CDC14B: variants seen among roughly 807,000 people sequenced by gnomAD.
The protein encoded by CDC14B is dual specificity protein phosphatase CDC14B.
Under a neutral mutation model 64.2 loss-of-function variants are expected in CDC14B, and 22 were observed. The observed-to-expected ratio is 0.34, with a 90% CI of 0.24 to 0.49. CDC14B has a LOEUF of 0.49. Among genes scored for constraint, CDC14B ranks in the 20% least tolerant of loss-of-function variants. The probability of loss-of-function intolerance (pLI) is 0.99; values close to 1 mark genes in which losing one functional copy is unlikely to be tolerated. For missense variants in CDC14B, 498 were observed against 629.9 expected, an observed-to-expected ratio of 0.79 and a Z score of 2.24; for synonymous variants, 191 against 215.8, an observed-to-expected ratio of 0.89 and a Z score of 1.01.
chr9:96,600,042 T>C (rs1461356702), intron 1 of CDC14B, among the ~76,000 whole-genome samples: 1 of 152,008 alleles, frequency 6.6e-6, no homozygotes, highest in Non-Finnish European at 1.5e-5. Flanking sequence ...TATTTCTAAA[T>C]GTAACTTTTC....
chr9:96,606,408 G>A (rs1299967496), intron 1 of CDC14B, among the ~76,000 whole-genome samples: 3 of 151,132 alleles, frequency 2.0e-5, no homozygotes, highest in Middle Eastern at 3.4e-3. Context: ...TTCCAGCCAG[G>A]TGCAGTGCTC....
At chr9:96,596,337 G>T (rs1846071856) in intron 1 of CDC14B, among the ~76,000 whole-genome samples, 1 of 146,370 alleles carries the variant, frequency 6.8e-6, no homozygotes. Context: ...ACACCAGCCT[G>T]CTGGGAGACA....
At chr9:96,604,590 G>A (rs934398913) in intron 1 of CDC14B, among the ~76,000 whole-genome samples, 1 of 151,146 alleles carries the variant, frequency 6.6e-6, no homozygotes, top group Non-Finnish European at 1.5e-5. Flanking sequence ...ATGTTGATCA[G>A]GCTGGTCTCA....
chr9:96,528,620 T>C (rs906630721), intron 9 of CDC14B, among the ~76,000 whole-genome samples: 6 of 152,204 alleles, frequency 3.9e-5, no homozygotes, highest in African/African-American at 1.4e-4. Context: ...TCTGAGCATA[T>C]AACCAGAGAT....
At chr9:96,560,859 C>T (rs1163862114) in intron 4 of CDC14B, among the ~76,000 whole-genome samples, 1 of 151,454 alleles carries the variant, frequency 6.6e-6, no homozygotes, top group Admixed American at 6.6e-5. Flanking sequence ...GCTTATGAAA[C>T]CAAATTTTAA....
At position 96,515,671 on chromosome 9, in the gene CDC14B, C is replaced by A; in HGVS notation, c.1344-5882G>T. The A allele has an allele frequency of 6.3e-7, 1 of 1,586,732 alleles. No homozygotes were observed. Among genetic ancestry groups the A allele is most frequent in the East Asian group, 2.3e-5 (1 of 43,864 alleles). Reference sequence around the variant, plus strand: ...TACAGCAGCTATCTGTCAGGGGGTCCTGATGGCTACTGTGTTCTGAAACCA... The same window carrying A: ...TACAGCAGCTATCTGTCAGGGGGTCATGATGGCTACTGTGTTCTGAAACCA... On this transcript the variant is annotated intron_variant, in intron 12 of 13. Transcript: ENST00000375241. The surrounding 1 kb of genome is among the most constrained non-coding windows in gnomAD (Gnocchi z 4.3).
intron 1 of CDC14B, among the ~76,000 whole-genome samples, chr9:96,610,389 G>A (rs541855510): frequency 8.5e-5 from 13 of 152,096 alleles, no homozygotes; most frequent in African/African-American, 2.9e-4. Flanking sequence ...TAGTAGTGAT[G>A]GGGTTTCAGC....
chr9:96,609,121 C>T (rs376357929), intron 1 of CDC14B, among the ~76,000 whole-genome samples: 141 of 152,234 alleles, frequency 9.3e-4, no homozygotes, highest in Non-Finnish European at 1.7e-3. Context: ...CATGCCAACA[C>T]GCCTGGCTAA....
chr9:96,505,647 T>C (rs1834023653), intron 13 of CDC14B, among the ~76,000 whole-genome samples: 1 of 152,124 alleles, frequency 6.6e-6, no homozygotes, highest in African/African-American at 2.4e-5. Flanking sequence ...AAGAGAAAGG[T>C]TAGCATGGAT....
downstream of CDC14B, among the ~76,000 whole-genome samples, chr9:96,495,637 G>A (rs944106541): frequency 6.6e-6 from 1 of 152,220 alleles, no homozygotes; most frequent in Non-Finnish European, 1.5e-5. Flanking sequence ...GGAGCCAGCG[G>A]TGATGCTGGG....
intron 12 of CDC14B, among the ~76,000 whole-genome samples, chr9:96,517,815 C>T (rs1195799702): frequency 6.6e-6 from 1 of 151,316 alleles, no homozygotes; most frequent in Non-Finnish European, 1.5e-5. Flanking sequence ...ACTGCCTGTT[C>T]ATGCCACCAT....
chr9:96,519,543 C>T (rs1019002468), intron 12 of CDC14B, among the ~76,000 whole-genome samples: 1 of 152,026 alleles, frequency 6.6e-6, no homozygotes, highest in African/African-American at 2.4e-5. Flanking sequence ...CGAGACCAGC[C>T]TGGCCAACAT....
At chr9:96,558,536 A>G (rs918303931) in intron 4 of CDC14B, among the ~76,000 whole-genome samples, 2 of 152,242 alleles carry the variant, frequency 1.3e-5, no homozygotes, top group Non-Finnish European at 1.5e-5. Flanking sequence ...CTAGAAATAT[A>G]AAAACTTCTT....
At position 96,523,421 on chromosome 9, in the gene CDC14B, C is replaced by A; in HGVS notation, c.1086-1G>T. ...TTCCAGCCAGAGGTTGGTTTGCTTCCTAGAGCATTTAAATAACATCAAAAT... is the reference window on the plus strand; with the variant it reads ...TTCCAGCCAGAGGTTGGTTTGCTTCATAGAGCATTTAAATAACATCAAAAT... On this transcript the variant is annotated splice_acceptor_variant, in intron 10 of 13. Transcript: ENST00000375241. LOFTEE classifies it high-confidence loss of function. 1 of 1,613,626 alleles carries A rather than the reference C, an allele frequency of 6.2e-7. No homozygotes were observed. The highest frequency in any genetic ancestry group is 2.2e-5 in the East Asian group (1 of 44,870).
intron 1 of CDC14B, among the ~76,000 whole-genome samples, chr9:96,590,559 A>G (rs1027073088): frequency 8.6e-5 from 13 of 151,466 alleles, no homozygotes; most frequent in East Asian, 5.8e-4. Flanking sequence ...CCTCTATACT[A>G]TTTTCCATAG....
intron 10 of CDC14B, 23 bp from the exon 11 acceptor site, chr9:96,523,443 A>G: frequency 3.1e-6 from 5 of 1,608,580 alleles, no homozygotes; most frequent in Non-Finnish European, 4.3e-6. Context: ...AATAACATCA[A>G]AATAGAGCTT....
chr9:96,577,314 A>G (rs1844874281), intron 1 of CDC14B, among the ~76,000 whole-genome samples: 1 of 152,114 alleles, frequency 6.6e-6, no homozygotes, highest in African/African-American at 2.4e-5. Context: ...ATCAATATGG[A>G]AACACTTAAA....
chr9:96,496,892 G>T (rs16910978), downstream of CDC14B, among the ~76,000 whole-genome samples: 1,153 of 152,382 alleles, frequency 7.6e-3, 17 homozygotes, highest in African/African-American at 0.026. Flanking sequence ...CCCAGCTGGG[G>T]GCAGCAACAG....
In CDC14B at chr9:96,610,356, G is replaced by A. The variant is rs533587675; in HGVS notation, c.160+8863C>T. ...TGGGACTACAGGTGCCCGCCACCACGCCCGGCTAATTTTTTGTATTTTTAG... is the reference window on the plus strand; with the variant it reads ...TGGGACTACAGGTGCCCGCCACCACACCCGGCTAATTTTTTGTATTTTTAG... On this transcript the variant is annotated intron_variant, in intron 1 of 13. Coordinates refer to ENST00000375241, the MANE Select transcript of CDC14B (RefSeq NM_033331.4). Among the ~76,000 whole-genome samples, 14 of 151,968 alleles carry A rather than the reference G, an allele frequency of 9.2e-5. No homozygotes were observed. In the South Asian group the frequency reaches 2.7e-3, roughly 29 times the overall value.
Sources: gnomAD v4.1 joint callset for allele counts (sites outside exome capture counted in the v4.1 genomes callset) on GRCh38, gnomAD v4.1.1 for gene constraint, Gnocchi (gnomAD v3.1) non-coding constraint, MANE v1.5 for transcripts, NCBI Gene and HGNC (gene_info 2026-07-23, HGNC 2026-07-21) for gene names.